The following UTP23 variants were observed in gnomAD, a reference collection of about 807,000 sequenced individuals.
UTP23 encodes UTP23 small subunit processome component.
In UTP23, 10 loss-of-function variants were observed where a neutral mutation model predicts 19.8. The observed-to-expected ratio is 0.50, with a 90% CI of 0.31 to 0.86. UTP23 has a LOEUF of 0.86. UTP23 is among the 40% of genes least tolerant of loss of function. UTP23 has a pLI of 0.05. For synonymous variants in UTP23, 108 were observed against 105.4 expected (o/e 1.02, Z -0.15); for missense variants, 282 against 293.1 (o/e 0.96, Z 0.28).
rs540997254 is a variant in UTP23 at position 116,771,815 on chromosome 8, T to G, written c.723T>G (p.Ser241=). The change falls in exon 3 of 3, where the codon TCT becomes TCG. Residue 241 remains serine (S), a synonymous_variant. Transcript: ENST00000309822. ...ACAGATCTAACCCAAAAGTACTTTC[T>G]GAGAAGCAGAATGCAGAAGGAGAAT... ...IRNRSNPKVL[S]EKQNAEGE 8 of 1,584,128 alleles carry G rather than the reference T, an allele frequency of 5.1e-6. No individual in the cohort carries two copies. The South Asian group carries it at 8.3e-5, about 16-fold the overall frequency.
chr8:116,771,775 G>C lies in UTP23; in HGVS notation c.683G>C (p.Arg228Thr). Residue 228 changes from arginine (R) to threonine (T), a missense_variant, in exon 3 of 3, where the codon AGA becomes ACA. Physicochemically the swap from Arg to Thr is moderately conservative, Grantham distance 71. Coordinates refer to ENST00000309822, the MANE Select transcript of UTP23 (RefSeq NM_032334.3). ...QSSASEKKRK[R>T]KRIRNRSNPK... ...TCTGCTTCTGAAAAGAAAAGAAAAA[G>C]AAAAAGAATTCGGAACAGATCTAAC... is the stretch of plus-strand genomic sequence containing the variant. 6.2e-7 allele frequency: 1 copy of C among 1,605,530 alleles called. No homozygotes were observed.
chr8:116,773,003 T>G lies in UTP23; in HGVS notation c.*1161T>G, dbSNP rs935677898. 4.1e-6 allele frequency: 4 copies of G among 985,272 alleles called. No homozygotes were observed. The African/African-American group carries it at 5.2e-5, about 13-fold the overall frequency. The allele number at this position is 985,272 out of a possible 1,614,324, so 61.0% of individuals were successfully genotyped here. A position where few individuals can be genotyped will look rare whatever the true frequency, so the allele number is the denominator to read the frequency against. ...TTATCATGATGACGTATGAGTAAAT[T>G]CTTAATGGTTAAATGTGAGACAGTT... On this transcript the variant is annotated 3_prime_UTR_variant, in exon 3 of 3. Coordinates refer to ENST00000309822, the MANE Select transcript of UTP23 (RefSeq NM_032334.3).
intron 1 of UTP23, chr8:116,767,017 G>C (rs1375877278): frequency 2.1e-6 from 1 of 473,230 alleles, no homozygotes; most frequent in African/African-American, 2.4e-5. Flanking sequence ...TGGCGAATGA[G>C]AGCACATTAT....
At chr8:116,766,875 C>G (rs978601525) in intron 1 of UTP23, 84 bp downstream of exon 1, 57 of 1,335,508 alleles carry the variant, frequency 4.3e-5, no homozygotes, top group Non-Finnish European at 5.0e-5. Flanking sequence ...ACCTTCATTG[C>G]GAGCTCAGGA....
chr8:116,770,166 G>A (rs1328194225), intron 1 of UTP23, 26 bp from the exon 2 acceptor site: 9 of 1,547,954 alleles, frequency 5.8e-6, no homozygotes, highest in Non-Finnish European at 7.9e-6. Flanking sequence ...CAAGTGAAAT[G>A]TATCTGCTAT....
In UTP23 at chr8:116,770,337, A is replaced by G. The variant is rs1815635411; in HGVS notation, c.334A>G (p.Asn112Asp). ...TCTGCTTTCCATGGTTGAAGAGGGA[A>G]ATCCTCATCATTATTTTGTGGCAAC... Reference protein sequence around the residue: ...ECLLSMVEEGNPHHYFVATQD... With the variant: ...ECLLSMVEEGDPHHYFVATQD... The change falls in exon 2 of 3, where the codon AAT becomes GAT. Residue 112 changes from asparagine (N) to aspartate (D), a missense_variant. Transcript: ENST00000309822. 1 of 1,612,482 alleles carries G rather than the reference A, an allele frequency of 6.2e-7. No individual in the cohort carries two copies. The highest frequency in any genetic ancestry group is 8.5e-7 in the Non-Finnish European group (1 of 1,178,770).
Position 116,766,594 on chromosome 8 carries a change from T to G in UTP23, c.-10T>G. 2.5e-6 allele frequency: 4 copies of G among 1,610,064 alleles called. No homozygotes were observed. The highest frequency in any genetic ancestry group is 3.4e-6 in the Non-Finnish European group (4 of 1,177,760). Reference sequence around the variant, plus strand: ...CCTGGTCCGGTGGCCTCGGTCCCGGTAAGCCAGGCATGAAGATCACAAGGC... The same window carrying G: ...CCTGGTCCGGTGGCCTCGGTCCCGGGAAGCCAGGCATGAAGATCACAAGGC... On this transcript the variant is annotated 5_prime_UTR_variant, in exon 1 of 3. Transcript: ENST00000309822.
chr8:116,772,948 T>C lies in UTP23; in HGVS notation c.*1106T>C. 1 of 985,418 alleles carries C rather than the reference T, an allele frequency of 1.0e-6. No individual in the cohort carries two copies. Among genetic ancestry groups the C allele is most frequent in the Non-Finnish European group, 1.2e-6 (1 of 829,900 alleles). The allele number at this position is 985,418 out of a possible 1,614,324, so 61.0% of individuals were successfully genotyped here. A position where few individuals can be genotyped will look rare whatever the true frequency, so the allele number is the denominator to read the frequency against. On this transcript the variant is annotated 3_prime_UTR_variant, in exon 3 of 3. Coordinates refer to ENST00000309822, the MANE Select transcript of UTP23 (RefSeq NM_032334.3). ...TGACTGACAGCTTCTGGAGCCACAC[T>C]AGAGCAGTGATTCTCAGTCTAACAT...
intron 1 of UTP23, among the ~76,000 whole-genome samples, chr8:116,767,726 C>T (rs1241915861): frequency 6.6e-6 from 1 of 152,068 alleles, no homozygotes; most frequent in African/African-American, 2.4e-5. Context: ...GGGAGTGAAA[C>T]TAGGAAGAAG....
At position 116,774,201 on chromosome 8, in the gene UTP23, C is replaced by T; in HGVS notation, c.*2359C>T. ...TCTGAAGACCACTATCTTTTACGAA[C>T]ACTTAAAAATAAGTGTTTGCAGTTG... On this transcript the variant is annotated 3_prime_UTR_variant, in exon 3 of 3. Coordinates refer to ENST00000309822, the MANE Select transcript of UTP23 (RefSeq NM_032334.3). 1.0e-6 allele frequency: 1 copy of T among 985,382 alleles called. No individual in the cohort carries two copies. Among genetic ancestry groups the T allele is most frequent in the Non-Finnish European group, 1.2e-6 (1 of 829,924 alleles). The allele number at this position is 985,382 out of a possible 1,614,324, so 61.0% of individuals were successfully genotyped here. A position where few individuals can be genotyped will look rare whatever the true frequency, so the allele number is the denominator to read the frequency against.
In UTP23 at chr8:116,773,504, C is replaced by A; in HGVS notation, c.*1662C>A. ...GTAATTATAGAAGTACTAAAAATTA[C>A]AATGTATTAGTAAGTTTAATATTTT... On this transcript the variant is annotated 3_prime_UTR_variant, in exon 3 of 3. Transcript: ENST00000309822. 6.1e-6 allele frequency: 6 copies of A among 984,046 alleles called. No individual in the cohort carries two copies. Among genetic ancestry groups the A allele is most frequent in the Non-Finnish European group, 7.2e-6 (6 of 828,714 alleles). 61.0% of individuals were successfully genotyped at this position (984,046 alleles called of 1,614,324 possible).
chr8:116,772,375 C>T lies in UTP23; in HGVS notation c.*533C>T, dbSNP rs536115169. On this transcript the variant is annotated 3_prime_UTR_variant, in exon 3 of 3. Transcript: ENST00000309822. ...GGCTTGTGACAAAAAAAGAGGCAGT[C>T]CCTCTTTCACATTGACAGAAGAAAC... The T allele has an allele frequency of 1.0e-6, 1 of 972,782 alleles. No homozygotes were observed. The highest frequency in any genetic ancestry group is 6.2e-5 in the Admixed American group (1 of 16,260). The allele number at this position is 972,782 out of a possible 1,614,324, so 60.3% of individuals were successfully genotyped here. A position where few individuals can be genotyped will look rare whatever the true frequency, so the allele number is the denominator to read the frequency against.
chr8:116,771,415 A>G, intron 2 of UTP23, 41 bp from the exon 3 acceptor site: 2 of 1,372,154 alleles, frequency 1.5e-6, no homozygotes, highest in Admixed American at 2.8e-5. Context: ...AGGTACCTTA[A>G]TTGACATTTG....
chr8:116,771,605 G>C lies in UTP23; in HGVS notation c.513G>C (p.Glu171Asp), dbSNP rs1263424178. 1 of 1,612,086 alleles carries C rather than the reference G, an allele frequency of 6.2e-7. No individual in the cohort carries two copies. Among genetic ancestry groups the C allele is most frequent in the Admixed American group, 1.7e-5 (1 of 59,584 alleles). The change falls in exon 3 of 3, where the codon GAG (glutamate) becomes GAC (aspartate). Residue 171 changes from glutamate (E) to aspartate (D), a missense_variant. By Grantham distance (45) the Glu-to-Asp change is conservative (BLOSUM62 2). Transcript: ENST00000309822. ...CAGGTCAGCTTGTCTCAGTGCATGA[G>C]AAAGAAAGTATCAAACATCTCAAAG... is the stretch of plus-strand genomic sequence containing the variant. ...VESGQLVSVH[E>D]KESIKHLKEE... is the part of the protein sequence containing the mutation.
Position 116,774,141 on chromosome 8 carries a change from A to G in UTP23, c.*2299A>G, listed in dbSNP as rs1205301444. 1 of 985,266 alleles carries G rather than the reference A, an allele frequency of 1.0e-6. No individual in the cohort carries two copies. Among genetic ancestry groups the G allele is most frequent in the Non-Finnish European group, 1.2e-6 (1 of 829,922 alleles). 61.0% of individuals were successfully genotyped at this position (985,266 alleles called of 1,614,324 possible). A position where few individuals can be genotyped will look rare whatever the true frequency, so the allele number is the denominator to read the frequency against. On this transcript the variant is annotated 3_prime_UTR_variant, in exon 3 of 3. Coordinates refer to ENST00000309822, the MANE Select transcript of UTP23 (RefSeq NM_032334.3). ...TAAAAGTGTAATACATGCACTTTTG[A>G]ACTCTGAAAGTTTGCCAATCTGAAA...
In UTP23 at chr8:116,773,358, G is replaced by A. The variant is rs1047718505; in HGVS notation, c.*1516G>A. 1.0e-6 allele frequency: 1 copy of A among 979,784 alleles called. No homozygotes were observed. Among genetic ancestry groups the A allele is most frequent in the Non-Finnish European group, 1.2e-6 (1 of 824,816 alleles). 60.7% of individuals were successfully genotyped at this position (979,784 alleles called of 1,614,324 possible). On this transcript the variant is annotated 3_prime_UTR_variant, in exon 3 of 3. Coordinates refer to ENST00000309822, the MANE Select transcript of UTP23 (RefSeq NM_032334.3). Reference sequence around the variant, plus strand: ...ACACTGATGATACTCATTTCAATATGCTAAAATACATTAAATTTAGGTATT... The same window carrying A: ...ACACTGATGATACTCATTTCAATATACTAAAATACATTAAATTTAGGTATT...
In UTP23 at chr8:116,773,077, T is replaced by G; in HGVS notation, c.*1235T>G. On this transcript the variant is annotated 3_prime_UTR_variant, in exon 3 of 3. Transcript: ENST00000309822. ...CATTCTCATTTGAATTCAGAGATACTTCTTTGCTGGAAGTTGGAATTATAG... is the reference window on the plus strand; with the variant it reads ...CATTCTCATTTGAATTCAGAGATACGTCTTTGCTGGAAGTTGGAATTATAG... The G allele has an allele frequency of 1.0e-6, 1 of 985,396 alleles. No individual in the cohort carries two copies. Among genetic ancestry groups the G allele is most frequent in the Non-Finnish European group, 1.2e-6 (1 of 829,890 alleles). The allele number at this position is 985,396 out of a possible 1,614,324, so 61.0% of individuals were successfully genotyped here.
chr8:116,770,616 T>G (rs749393558), intron 2 of UTP23: 70 of 350,150 alleles, frequency 2.0e-4, no homozygotes, highest in Non-Finnish European at 3.5e-4. Flanking sequence ...TTGCTTTTTT[T>G]GTTTGTTTCT....
intron 1 of UTP23, among the ~76,000 whole-genome samples, chr8:116,769,374 G>A (rs1341490925): frequency 5.9e-5 from 9 of 152,178 alleles, no homozygotes; most frequent in Non-Finnish European, 4.4e-5. Context: ...AGGAGTATGG[G>A]TGAAGAAGGG....
Sources: allele counts gnomAD v4.1 joint callset (sites outside exome capture counted in the v4.1 genomes callset), GRCh38; gene constraint gnomAD v4.1.1; transcripts MANE v1.5; gene names NCBI Gene and HGNC (gene_info 2026-07-23, HGNC 2026-07-21).